FANCI: variants seen among roughly 807,000 people sequenced by gnomAD.
FANCI encodes the protein FA complementation group I.
Under a neutral mutation model 176.1 loss-of-function variants are expected in FANCI, and 156 were observed. The observed-to-expected ratio is 0.89, with a 90% CI of 0.78 to 1.01. The LOEUF (loss-of-function observed/expected upper bound fraction) is 1.01. Ranked by LOEUF, FANCI falls within the 50% of genes least tolerant of loss-of-function variation. The pLI is 0.00. For synonymous variants in FANCI, 613 were observed against 541.7 expected, an observed-to-expected ratio of 1.13 and a Z score of -1.83; for missense variants, 1,678 against 1,534.1, an observed-to-expected ratio of 1.09 and a Z score of -1.57.
At chr15:89,315,435 G>C in intron 37 of FANCI, 46 bp downstream of exon 37, 1 of 1,332,740 alleles carries the variant, frequency 7.5e-7, no homozygotes, top group African/African-American at 1.4e-5. Flanking sequence ...TTCCTAGCTG[G>C]TTAGCAGCCT....
chr15:89,298,679 G>T (rs1041122637), intron 24 of FANCI, among the ~76,000 whole-genome samples: 1 of 152,110 alleles, frequency 6.6e-6, no homozygotes, highest in African/African-American at 2.4e-5. Flanking sequence ...TCTTTGAGAA[G>T]ATCAATAAAT....
rs757253322 is a variant in FANCI, at chr15:89,314,713, C to CA, written c.3816+7dup. ...ACCTTTCTAAGAAGTCCAAGGTAAA[C>CA]ATTCTCTTATTATGTGCTACCATTC... On this transcript the variant is annotated splice_region_variant and intron_variant, in intron 36 of 37. Transcript: ENST00000310775. 6.3e-7 allele frequency: 1 copy of CA among 1,593,692 alleles called. No individual in the cohort carries two copies. The highest frequency in any genetic ancestry group is 2.2e-5 in the East Asian group (1 of 44,764).
At chr15:89,295,774 C>CT (rs751482663) in intron 24 of FANCI, among the ~76,000 whole-genome samples, 1,257 of 114,454 alleles carry the variant, frequency 0.011, 16 homozygotes, top group Admixed American at 0.024. Context: ...GTTGTTTTGG[C>CT]TTTTTTTTTG....
chr15:89,283,278 T>A (rs772400344), intron 17 of FANCI, 28 bp downstream of exon 17: 51 of 1,613,420 alleles, frequency 3.2e-5, no homozygotes, highest in Non-Finnish European at 3.7e-5. Context: ...TAACTTGCAG[T>A]GTGTGCGTAT....
At position 89,301,526 on chromosome 15, in the gene FANCI, C is replaced by G. The variant is rs1158523539; in HGVS notation, c.3006+84C>G. 2.3e-5 allele frequency: 22 copies of G among 955,778 alleles called. No homozygotes were observed. In the South Asian group the frequency reaches 2.7e-4, roughly 12 times the overall value. 59.2% of individuals were successfully genotyped at this position (955,778 alleles called of 1,614,324 possible). A position where few individuals can be genotyped will look rare whatever the true frequency, so the allele number is the denominator to read the frequency against. On this transcript the variant is annotated intron_variant, in intron 27 of 37. Coordinates refer to ENST00000310775, the MANE Select transcript of FANCI (RefSeq NM_001113378.2). ...ATCATAAAAGTGTATATCTAAATGT[C>G]CTCTTGAAATTGAGCTTATTTTACA...
At chr15:89,297,598 A>G (rs1316918272) in intron 24 of FANCI, among the ~76,000 whole-genome samples, 2 of 152,134 alleles carry the variant, frequency 1.3e-5, no homozygotes, top group Admixed American at 6.6e-5. Flanking sequence ...GTCTCCATCA[A>G]AAAAATACGA....
At chr15:89,275,096 T>C (rs995770164) in intron 12 of FANCI, among the ~76,000 whole-genome samples, 3 of 148,902 alleles carry the variant, frequency 2.0e-5, no homozygotes, top group African/African-American at 7.4e-5. Flanking sequence ...TTTTTTTTTT[T>C]TTTTTTTCTG....
chr15:89,274,846 C>T (rs1411338125), intron 12 of FANCI, among the ~76,000 whole-genome samples: 2 of 152,068 alleles, frequency 1.3e-5, no homozygotes, highest in South Asian at 2.1e-4. Context: ...CTCAAGCAAT[C>T]CACCTGCCTT....
At chr15:89,276,134 G>C (rs970502906) in intron 12 of FANCI, among the ~76,000 whole-genome samples, 68 of 151,942 alleles carry the variant, frequency 4.5e-4, no homozygotes, top group African/African-American at 1.6e-3. Flanking sequence ...TCCACTGTGG[G>C]GTATAACATT....
At chr15:89,273,539 C>T in intron 11 of FANCI, 70 bp downstream of exon 11, 5 of 853,942 alleles carry the variant, frequency 5.9e-6, no homozygotes, top group Non-Finnish European at 9.5e-6. Context: ...AAAAAAATCA[C>T]AGTAATCTGT....
At chr15:89,294,057 G>C (rs762383843) in intron 23 of FANCI, 60 bp downstream of exon 23, 10 of 1,567,080 alleles carry the variant, frequency 6.4e-6, no homozygotes, top group Middle Eastern at 1.7e-4. Context: ...TACCTACCTA[G>C]GCTCACTTGT....
rs1376925463 is a variant in FANCI, at chr15:89,300,310, TAAGG to T, written c.2820_2823del (p.Gly941LysfsTer26). 2 of 1,613,312 alleles carry T rather than the reference TAAGG, an allele frequency of 1.2e-6. No homozygotes were observed. Among genetic ancestry groups the T allele is most frequent in the Non-Finnish European group, 1.7e-6 (2 of 1,179,462 alleles). On this transcript the variant is annotated frameshift_variant, in exon 26 of 38. Transcript: ENST00000310775. LOFTEE classifies it high-confidence loss of function. ...CTTTTCCATTCCTAGATGTCACAGA[TAAGG>T]AAGGAGAAGAGAGAGAAGATGCAGA...
chr15:89,258,347 C>G (rs146365782), intron 2 of FANCI, among the ~76,000 whole-genome samples: 1 of 152,240 alleles, frequency 6.6e-6, no homozygotes, highest in Admixed American at 6.5e-5. Context: ...ATCCTTTCCC[C>G]TCCTGCTCTG....
At chr15:89,298,072 A>G (rs1175721346) in intron 24 of FANCI, among the ~76,000 whole-genome samples, 1 of 152,188 alleles carries the variant, frequency 6.6e-6, no homozygotes, top group Admixed American at 6.5e-5. Flanking sequence ...CCATAGTCAA[A>G]AAACAGAAAA....
chr15:89,256,584 C>T (rs1432725646), intron 2 of FANCI, among the ~76,000 whole-genome samples: 1 of 152,184 alleles, frequency 6.6e-6, no homozygotes, highest in Non-Finnish European at 1.5e-5. Context: ...GCAGCTGCTT[C>T]TCTTTTTAAT....
In FANCI at chr15:89,316,657, C is replaced by G; in HGVS notation, c.*198C>G. The G allele has an allele frequency of 8.1e-7, 1 of 1,239,556 alleles. No individual in the cohort carries two copies. Among genetic ancestry groups the G allele is most frequent in the Non-Finnish European group, 1.2e-6 (1 of 842,450 alleles). 76.8% of individuals were successfully genotyped at this position (1,239,556 alleles called of 1,614,324 possible). A position where few individuals can be genotyped will look rare whatever the true frequency, so the allele number is the denominator to read the frequency against. ...AAAAATGGCTGGCCTTAGGCAAGCC[C>G]TTTTGCAAAAAGCACAGCTGAAAGC... On this transcript the variant is annotated 3_prime_UTR_variant, in exon 38 of 38. Transcript: ENST00000310775.
At chr15:89,269,249 ATGCC>A (rs1233675411) in intron 10 of FANCI, among the ~76,000 whole-genome samples, 3 of 152,234 alleles carry the variant, frequency 2.0e-5, no homozygotes, top group Non-Finnish European at 4.4e-5. Flanking sequence ...TAACACTTCA[ATGCC>A]TGAATATTTC....
At position 89,313,952 on chromosome 15, in the gene FANCI, G is replaced by A. The variant is rs191009170; in HGVS notation, c.3721-660G>A. On this transcript the variant is annotated intron_variant, in intron 35 of 37. Transcript: ENST00000310775. ...GTAGGACCTACAAATTACAATTCAC[G>A]TTAGGGGGAAAGATATATAATCACA... Among the ~76,000 whole-genome samples the A allele has an allele frequency of 2.9e-4, 40 of 140,162 alleles. No homozygotes were observed. In the East Asian group the frequency reaches 3.1e-3, roughly 11 times the overall value. The allele number at this position is 140,162 out of a possible 152,430, so 92.0% of individuals were successfully genotyped here. A position where few individuals can be genotyped will look rare whatever the true frequency, so the allele number is the denominator to read the frequency against.
intron 1 of FANCI, chr15:89,245,322 T>A (rs542734375): frequency 2.1e-5 from 3 of 140,254 alleles, no homozygotes; most frequent in Admixed American, 1.5e-4. Flanking sequence ...GTGCGTGCCG[T>A]CACGCCCAGC....
Sources: allele counts gnomAD v4.1 joint callset (sites outside exome capture counted in the v4.1 genomes callset), GRCh38; gene constraint gnomAD v4.1.1; transcripts MANE v1.5; gene names NCBI Gene and HGNC (gene_info 2026-07-23, HGNC 2026-07-21).